Variants in LPAR3 observed in about 807,000 individuals in gnomAD.
LPAR3 encodes lysophosphatidic acid receptor 3.
LPAR3 carries 7 observed loss-of-function variants against 17.8 expected under a neutral mutation model. The observed-to-expected ratio is 0.39, with a 90% CI of 0.22 to 0.74. The LOEUF (loss-of-function observed/expected upper bound fraction) is 0.74, where lower values mean the gene tolerates loss of function less well. LPAR3 is among the 30% of genes least tolerant of loss of function. LPAR3 has a pLI of 0.40. For synonymous variants in LPAR3, 179 were observed against 179.9 expected (o/e 0.99, Z 0.04); for missense variants, 391 against 453.4 (o/e 0.86, Z 1.25).
chr1:84,867,551 T>A (rs1004254764), intron 1 of LPAR3, among the ~76,000 whole-genome samples: 62 of 152,270 alleles, frequency 4.1e-4, no homozygotes, highest in African/African-American at 1.3e-3. Context: ...GTCTTTTTTT[T>A]AATTTATATT....
At chr1:84,847,397 G>A (rs554829096) in intron 2 of LPAR3, among the ~76,000 whole-genome samples, 3 of 152,246 alleles carry the variant, frequency 2.0e-5, no homozygotes, top group Non-Finnish European at 2.9e-5. Flanking sequence ...TCATGCATAC[G>A]CTGGGCACGT....
chr1:84,834,124 C>T (rs934814926), intron 2 of LPAR3, among the ~76,000 whole-genome samples: 1 of 152,076 alleles, frequency 6.6e-6, no homozygotes, highest in Non-Finnish European at 1.5e-5. Flanking sequence ...AAAGCCTAGC[C>T]ATGCTGCAAA....
In LPAR3 at chr1:84,886,952, T is replaced by G. The variant is rs75319005; in HGVS notation, c.-19+6064A>C. Among the ~76,000 whole-genome samples the G allele has an allele frequency of 6.0e-3, 912 of 152,294 alleles. 10 individuals are homozygous for G. The highest frequency in any genetic ancestry group is 0.02 in the African/African-American group (845 of 41,560). ...TAAAAAACAATCGTGAGACTTCAAC[T>G]TATTGAATACATAAGGAATCCATGA... On this transcript the variant is annotated intron_variant, in intron 1 of 2. Coordinates refer to ENST00000370611, the MANE Select transcript of LPAR3 (RefSeq NM_012152.3).
intron 2 of LPAR3, among the ~76,000 whole-genome samples, chr1:84,855,307 A>T (rs1397820475): frequency 6.6e-6 from 1 of 152,186 alleles, no homozygotes; most frequent in African/African-American, 2.4e-5. Flanking sequence ...CAGATGTTGA[A>T]TTAGCCCAGT....
At chr1:84,850,720 C>T (rs1019839609) in intron 2 of LPAR3, among the ~76,000 whole-genome samples, 2 of 152,262 alleles carry the variant, frequency 1.3e-5, no homozygotes, top group Non-Finnish European at 2.9e-5. Flanking sequence ...CAGACCCAGG[C>T]TAACTCTGTA....
chr1:84,862,820 C>T (rs1229304331), intron 2 of LPAR3, among the ~76,000 whole-genome samples: 1 of 152,212 alleles, frequency 6.6e-6, no homozygotes, highest in Non-Finnish European at 1.5e-5. Context: ...CTCTCAGCAA[C>T]AGTCCCCATT....
chr1:84,854,303 C>A (rs1659775296), intron 2 of LPAR3, among the ~76,000 whole-genome samples: 1 of 152,156 alleles, frequency 6.6e-6, no homozygotes, highest in African/African-American at 2.4e-5. Flanking sequence ...ACACTGAAAT[C>A]AGGCTTATAT....
At chr1:84,832,996 G>A (rs868146280) in intron 2 of LPAR3, among the ~76,000 whole-genome samples, 6 of 152,214 alleles carry the variant, frequency 3.9e-5, no homozygotes, top group Middle Eastern at 3.4e-3. Context: ...GTTAATCAGT[G>A]AAGAAACTTC....
chr1:84,820,423 C>T (rs1659031563), intron 2 of LPAR3, among the ~76,000 whole-genome samples: 1 of 152,210 alleles, frequency 6.6e-6, no homozygotes, highest in African/African-American at 2.4e-5. Context: ...ACTCTAACTC[C>T]TGTCAATGAG....
At chr1:84,880,041 C>T (rs1444060826) in intron 1 of LPAR3, among the ~76,000 whole-genome samples, 10 of 152,206 alleles carry the variant, frequency 6.6e-5, no homozygotes, top group Non-Finnish European at 1.3e-4. Flanking sequence ...ATCAAAACAT[C>T]ACAATGTGCT....
intron 2 of LPAR3, among the ~76,000 whole-genome samples, chr1:84,847,767 C>T (rs76252655): frequency 6.6e-6 from 1 of 152,334 alleles, no homozygotes; most frequent in East Asian, 1.9e-4. Context: ...ATCTACCCTT[C>T]CTGATTCCCA....
intron 1 of LPAR3, among the ~76,000 whole-genome samples, chr1:84,883,122 G>A (rs1165210272): frequency 6.6e-6 from 1 of 152,202 alleles, no homozygotes; most frequent in Non-Finnish European, 1.5e-5. Flanking sequence ...GATCTAACTT[G>A]TCAGGTTAGT....
intron 1 of LPAR3, among the ~76,000 whole-genome samples, chr1:84,881,776 C>G (rs1313847017): frequency 9.2e-5 from 14 of 152,082 alleles, no homozygotes. Context: ...AGAAGAGAGG[C>G]AATGCAGTAC....
intron 2 of LPAR3, among the ~76,000 whole-genome samples, chr1:84,815,026 C>T (rs748944910): frequency 9.2e-5 from 14 of 152,282 alleles, no homozygotes; most frequent in East Asian, 1.9e-4. Flanking sequence ...ATAGCAATAA[C>T]GACTCATCTT....
Position 84,813,784 on chromosome 1 carries a change from TA to T in LPAR3, c.*61del. 7.8e-7 allele frequency: 1 copy of T among 1,282,136 alleles called. No individual in the cohort carries two copies. Among genetic ancestry groups the T allele is most frequent in the Non-Finnish European group, 1.1e-6 (1 of 903,922 alleles). 79.4% of individuals were successfully genotyped at this position (1,282,136 alleles called of 1,614,324 possible). On this transcript the variant is annotated 3_prime_UTR_variant, in exon 3 of 3. Coordinates refer to ENST00000370611, the MANE Select transcript of LPAR3 (RefSeq NM_012152.3). ...GTACATGGGCTTTGTTAGAGACAGG[TA>T]ATCATTCTTAACAGCTCTTTTCCCA...
At chr1:84,867,789 A>C (rs116037127) in intron 1 of LPAR3, among the ~76,000 whole-genome samples, 5,511 of 152,232 alleles carry the variant, frequency 0.036, 317 homozygotes, top group African/African-American at 0.12. Context: ...TAAATATCAA[A>C]TAAATTCATG....
chr1:84,820,630 T>G (rs1659034838), intron 2 of LPAR3, among the ~76,000 whole-genome samples: 1 of 152,178 alleles, frequency 6.6e-6, no homozygotes, highest in Non-Finnish European at 1.5e-5. Context: ...CTGTGTGCAA[T>G]AATCAAGAGT....
chr1:84,866,225 T>C, intron 1 of LPAR3, 87 bp from the exon 2 acceptor site: 1 of 1,026,516 alleles, frequency 9.7e-7, no homozygotes, highest in Non-Finnish European at 1.4e-6. Context: ...CCGTTCTGGC[T>C]AACTCCCATC....
intron 1 of LPAR3, among the ~76,000 whole-genome samples, chr1:84,884,602 G>C (rs1337474768): frequency 3.3e-5 from 5 of 152,174 alleles, no homozygotes; most frequent in African/African-American, 1.2e-4. Context: ...AGAAAGCTCA[G>C]AAGAAACTCA....
Sources: allele counts gnomAD v4.1 joint callset (sites outside exome capture counted in the v4.1 genomes callset), GRCh38; gene constraint gnomAD v4.1.1; transcripts MANE v1.5; gene names NCBI Gene and HGNC (gene_info 2026-07-23, HGNC 2026-07-21).